The following DOCK3 variants were observed in gnomAD, a reference collection of about 807,000 sequenced individuals.
DOCK3 encodes dedicator of cytokinesis protein 3.
DOCK3 carries 60 observed loss-of-function variants against 265.6 expected under a neutral mutation model. The ratio of observed to expected loss-of-function variants is 0.23; its 90% CI spans 0.18 to 0.28. DOCK3 has a LOEUF of 0.28. Among genes scored for constraint, DOCK3 ranks in the 10% least tolerant of loss-of-function variants. DOCK3 has a pLI of 1.00. For missense variants in DOCK3, 1,981 were observed against 2,594.3 expected, an observed-to-expected ratio of 0.76 and a Z score of 5.14; for synonymous variants, 881 against 938.0, an observed-to-expected ratio of 0.94 and a Z score of 1.11.
At chr3:50,901,174 C>CAG (rs59957536) in intron 4 of DOCK3, among the ~76,000 whole-genome samples, 14,335 of 152,186 alleles carry the variant, frequency 0.094, 830 homozygotes, top group Non-Finnish European at 0.12. Flanking sequence ...ATGCCCTGCC[C>CAG]AGAGGAGGAA....
Position 51,356,431 on chromosome 3 carries a change from C to T in DOCK3, c.4441C>T (p.Leu1481=). 1 of 1,613,458 alleles carries T rather than the reference C, an allele frequency of 6.2e-7. No individual in the cohort carries two copies. ...GAGCCTGTGGATTGAACGTACCACACTGACCCTGACCCACAGCTTGCCTGG... is the reference window on the plus strand; with the variant it reads ...GAGCCTGTGGATTGAACGTACCACATTGACCCTGACCCACAGCTTGCCTGG... ...FKSLWIERTT[L]TLTHSLPGIS... is the part of the protein sequence containing the mutation. Residue 1481 remains leucine, a synonymous_variant, in exon 43 of 53, where the codon CTG becomes TTG. Transcript: ENST00000266037.
chr3:50,715,267 G>T (rs1327470827), intron 1 of DOCK3, among the ~76,000 whole-genome samples: 1 of 152,192 alleles, frequency 6.6e-6, no homozygotes, highest in Non-Finnish European at 1.5e-5. Context: ...GAGTAGGTAG[G>T]CCAGGCGTGG....
intron 38 of DOCK3, 88 bp from the exon 39 acceptor site, chr3:51,348,764 T>G: frequency 7.4e-7 from 1 of 1,349,328 alleles, no homozygotes; most frequent in Non-Finnish European, 1.0e-6. Flanking sequence ...CGGGAGACCT[T>G]TTGTTGTGTG....
At chr3:50,890,311 A>T (rs2048579113) in intron 4 of DOCK3, among the ~76,000 whole-genome samples, 1 of 152,080 alleles carries the variant, frequency 6.6e-6, no homozygotes, top group African/African-American at 2.4e-5. Context: ...TTATAAAATC[A>T]GTTAGGCATG....
At chr3:50,783,768 C>G (rs1254154092) in intron 2 of DOCK3, among the ~76,000 whole-genome samples, 3 of 151,664 alleles carry the variant, frequency 2.0e-5, no homozygotes, top group Non-Finnish European at 4.4e-5. Flanking sequence ...GTTATGAAGT[C>G]TTTCCCTAAG....
intron 1 of DOCK3, among the ~76,000 whole-genome samples, chr3:50,695,484 A>T (rs1050674068): frequency 1.3e-5 from 2 of 152,168 alleles, no homozygotes; most frequent in Admixed American, 6.5e-5. Flanking sequence ...TTTCTTTCTG[A>T]CCCAGTCAGA....
chr3:50,767,801 G>C (rs1275312821), intron 1 of DOCK3, among the ~76,000 whole-genome samples: 1 of 152,246 alleles, frequency 6.6e-6, no homozygotes, highest in East Asian at 1.9e-4. Context: ...TCGTTGAGCT[G>C]TGGTTTGTAG....
chr3:50,970,976 ATAT>A (rs1362657649), intron 5 of DOCK3, among the ~76,000 whole-genome samples: 1 of 25,054 alleles, frequency 4.0e-5, no homozygotes, highest in African/African-American at 9.8e-5. Context: ...GTATATATAT[ATAT>A]TTTTTTTATT....
intron 1 of DOCK3, among the ~76,000 whole-genome samples, chr3:50,679,731 C>T (rs1469634105): frequency 1.3e-5 from 2 of 152,142 alleles, no homozygotes; most frequent in Non-Finnish European, 2.9e-5. Context: ...TGAGGGAAGC[C>T]CAACCTTTGC....
intron 24 of DOCK3, among the ~76,000 whole-genome samples, chr3:51,271,406 T>C (rs1379163757): frequency 2.0e-5 from 3 of 152,174 alleles, no homozygotes; most frequent in Non-Finnish European, 2.9e-5. Context: ...CATAGACAGC[T>C]GTCTTCTCTC....
chr3:51,228,261 C>T (rs527668944), intron 17 of DOCK3, among the ~76,000 whole-genome samples, 173 bp downstream of exon 17: 1 of 152,318 alleles, frequency 6.6e-6, no homozygotes, highest in African/African-American at 2.4e-5. Flanking sequence ...AGTGCGGTGG[C>T]CGTCCTCCCA....
intron 27 of DOCK3, among the ~76,000 whole-genome samples, chr3:51,282,940 A>G (rs1014015181): frequency 1.3e-5 from 2 of 152,210 alleles, no homozygotes; most frequent in African/African-American, 4.8e-5. Flanking sequence ...AATCTCCAGC[A>G]AAATACTAGC....
At chr3:51,357,261 C>G in intron 44 of DOCK3, 120 bp downstream of exon 44, 4 of 1,174,978 alleles carry the variant, frequency 3.4e-6, no homozygotes, top group Non-Finnish European at 4.7e-6. Context: ...CCTCTCTTGA[C>G]ATGGTCCTGG....
intron 6 of DOCK3, among the ~76,000 whole-genome samples, chr3:51,066,283 C>T (rs193007091): frequency 7.2e-5 from 11 of 152,086 alleles, no homozygotes; most frequent in Admixed American, 5.2e-4. Flanking sequence ...AGATTGAAAG[C>T]GTCCCACTAA....
At chr3:51,329,690 T>C (rs2084389278) in intron 32 of DOCK3, among the ~76,000 whole-genome samples, 1 of 152,176 alleles carries the variant, frequency 6.6e-6, no homozygotes, top group African/African-American at 2.4e-5. Context: ...ATGCCAGTCA[T>C]TAGAGTGAGG....
At chr3:51,377,983 AG>A (rs2088275575) in intron 51 of DOCK3, among the ~76,000 whole-genome samples, 1 of 152,034 alleles carries the variant, frequency 6.6e-6, no homozygotes, top group Non-Finnish European at 1.5e-5. Flanking sequence ...TTTGGCAGAG[AG>A]GGGAAGGTAC....
chr3:50,782,576 AGTGTGTGTGT>A lies in DOCK3; in HGVS notation c.121+3839_121+3848del, dbSNP rs145578993. On this transcript the variant is annotated intron_variant, in intron 2 of 52. Transcript: ENST00000266037. ...AAGTGCTGGGACCTGTTATTTTTTG[AGTGTGTGTGT>A]GTGTGTGTGTGTGTGTGTGTAGCTT... 2.3e-4 allele frequency among the ~76,000 whole-genome samples: 34 copies of A among 147,318 alleles called. No homozygotes were observed. The South Asian group carries it at 6.6e-3, about 28-fold the overall frequency.
At chr3:50,769,853 G>A (rs1240001573) in intron 1 of DOCK3, among the ~76,000 whole-genome samples, 1 of 150,580 alleles carries the variant, frequency 6.6e-6, no homozygotes, top group Non-Finnish European at 1.5e-5. Flanking sequence ...GAGCAATTAG[G>A]CAAGAGAAAG....
At chr3:50,747,512 C>T (rs763140406) in intron 1 of DOCK3, among the ~76,000 whole-genome samples, 1 of 152,078 alleles carries the variant, frequency 6.6e-6, no homozygotes, top group Non-Finnish European at 1.5e-5. Context: ...TTTATTTTGA[C>T]ATATTTACCC....
Sources: gnomAD v4.1 joint callset for allele counts (sites outside exome capture counted in the v4.1 genomes callset) on GRCh38, gnomAD v4.1.1 for gene constraint, MANE v1.5 for transcripts, NCBI Gene and HGNC (gene_info 2026-07-23, HGNC 2026-07-21) for gene names.